The following CYP1A2 variants were observed in gnomAD, a reference collection of about 807,000 sequenced individuals.
CYP1A2 encodes cytochrome P450 family 1 subfamily A member 2.
Under a neutral mutation model 34.7 loss-of-function variants are expected in CYP1A2, and 35 were observed. The observed-to-expected ratio is 1.01, with a 90% CI of 0.77 to 1.34. The LOEUF (loss-of-function observed/expected upper bound fraction) is 1.34. CYP1A2 is among the 40% of genes most tolerant of loss of function. CYP1A2 has a pLI of 0.00. For synonymous variants in CYP1A2, 288 were observed against 281.9 expected (o/e 1.02, Z -0.22); for missense variants, 675 against 675.8 (o/e 1.00, Z 0.01).
In CYP1A2 at chr15:74,755,126, G is replaced by A. The variant is rs1046775819; in HGVS notation, c.*38G>A. The stretch of plus-strand genomic sequence containing the variant: ...CATTCTGAGGCCAGGGAGCGAGTGG[G>A]GGCCAGCCACGGGGACTCAGCCCTT... On this transcript the variant is annotated 3_prime_UTR_variant, in exon 7 of 7. Transcript: ENST00000343932. 6.3e-7 allele frequency: 1 copy of A among 1,581,670 alleles called. No individual in the cohort carries two copies. Among genetic ancestry groups the A allele is most frequent in the Admixed American group, 1.7e-5 (1 of 59,338 alleles).
At chr15:74,751,660 G>A (rs1186262918) in intron 3 of CYP1A2, 105 bp from the exon 4 acceptor site, 3 of 1,166,200 alleles carry the variant, frequency 2.6e-6, no homozygotes, top group African/African-American at 3.1e-5. Context: ...ACAGGCTAGG[G>A]CCAGAGAAAG....
intron 6 of CYP1A2, among the ~76,000 whole-genome samples, chr15:74,754,525 G>A (rs567898925): frequency 6.6e-6 from 1 of 151,648 alleles, no homozygotes; most frequent in Admixed American, 6.6e-5. Flanking sequence ...CTTGAGCTGG[G>A]GAGGCAGAGA....
In CYP1A2 at chr15:74,750,227, G is replaced by T; in HGVS notation, c.489G>T (p.Glu163Asp). 6.2e-7 allele frequency: 1 copy of T among 1,614,208 alleles called. No homozygotes were observed. The highest frequency in any genetic ancestry group is 8.5e-7 in the Non-Finnish European group (1 of 1,180,042). ...CCTCATCCTCCTGCTACCTGGAGGA[G>T]CATGTGAGCAAGGAGGCTAAGGCCC... ...PASSSSCYLE[E>D]HVSKEAKALI... Residue 163 changes from glutamate to aspartate, a missense_variant, in exon 2 of 7, where the codon GAG becomes GAT. Coordinates refer to ENST00000343932, the MANE Select transcript of CYP1A2 (RefSeq NM_000761.5).
At chr15:74,751,147 C>G (rs1478073318) in intron 2 of CYP1A2, 42 bp from the exon 3 acceptor site, 5 of 1,611,062 alleles carry the variant, frequency 3.1e-6, no homozygotes, top group Middle Eastern at 3.3e-4. Context: ...AGCCTTTGAC[C>G]TTGGAAGTGC....
At chr15:74,754,105 T>G (rs948083977) in intron 6 of CYP1A2, among the ~76,000 whole-genome samples, 57 of 152,284 alleles carry the variant, frequency 3.7e-4, no homozygotes, top group African/African-American at 1.1e-3. Flanking sequence ...GGTCTTCCTA[T>G]GTGGTCCAGG....
rs767903090 is a variant in CYP1A2 at position 74,754,818 on chromosome 15, C to T, written c.1281C>T (p.Phe427=). Residue 427 remains phenylalanine (F), a synonymous_variant, in exon 7 of 7, where the codon TTC becomes TTT. Transcript: ENST00000343932. ...AGCTGTGGGAGGACCCCTCTGAGTT[C>T]CGGCCTGAGCGGTTCCTCACCGCCG... ...DPELWEDPSE[F]RPERFLTADG... is the part of the protein sequence containing the mutation. The T allele has an allele frequency of 7.4e-6, 12 of 1,613,746 alleles. No individual in the cohort carries two copies. The South Asian group carries it at 1.3e-4, about 18-fold the overall frequency.
At position 74,755,943 on chromosome 15, in the gene CYP1A2, A is replaced by T. The variant is rs2063336339; in HGVS notation, c.*855A>T. 1 of 151,932 alleles carries T rather than the reference A, an allele frequency of 6.6e-6. No homozygotes were observed. The highest frequency in any genetic ancestry group is 1.5e-5 in the Non-Finnish European group (1 of 68,100). 9.4% of individuals were successfully genotyped at this position (151,932 alleles called of 1,614,324 possible). On this transcript the variant is annotated 3_prime_UTR_variant, in exon 7 of 7. Coordinates refer to ENST00000343932, the MANE Select transcript of CYP1A2 (RefSeq NM_000761.5). ...GCGATTCTCCTGCCTCAGCCTCCCG[A>T]GTAGCTGGGACTATAGGCATGCGCC...
intron 2 of CYP1A2, 95 bp downstream of exon 2, chr15:74,750,664 GC>G: frequency 9.0e-7 from 1 of 1,110,974 alleles, no homozygotes. Context: ...CTGCTGTGTT[GC>G]CAAGGCCTAG....
At chr15:74,751,912 T>C (rs2063317319) in intron 4 of CYP1A2, 58 bp downstream of exon 4, 2 of 1,584,024 alleles carry the variant, frequency 1.3e-6, no homozygotes, top group African/African-American at 2.7e-5. Context: ...AGGTTGTTTG[T>C]TCAGTCTACA....
chr15:74,751,726 T>C, intron 3 of CYP1A2, 39 bp from the exon 4 acceptor site: 1 of 1,581,892 alleles, frequency 6.3e-7, no homozygotes, highest in Non-Finnish European at 8.6e-7. Flanking sequence ...TCCTTGTTTC[T>C]GTCTTCCTTC....
chr15:74,755,032 A>G lies in CYP1A2; in HGVS notation c.1495A>G (p.Met499Val), dbSNP rs772253005. 1 of 1,614,154 alleles carries G rather than the reference A, an allele frequency of 6.2e-7. No homozygotes were observed. The highest frequency in any genetic ancestry group is 2.2e-5 in the East Asian group (1 of 44,892). Residue 499 changes from methionine (M) to valine (V), a missense_variant, in exon 7 of 7, where the codon ATG (methionine) becomes GTG (valine). By Grantham distance (21) the Met-to-Val change is conservative (BLOSUM62 1). Coordinates refer to ENST00000343932, the MANE Select transcript of CYP1A2 (RefSeq NM_000761.5). ...CCTGACCCCCATCTACGGGCTGACCATGAAGCACGCCCGCTGTGAACATGT... is the reference window on the plus strand; with the variant it reads ...CCTGACCCCCATCTACGGGCTGACCGTGAAGCACGCCCGCTGTGAACATGT... ...VDLTPIYGLT[M>V]KHARCEHVQA... is the part of the protein sequence containing the mutation.
At chr15:74,754,413 A>G (rs551076615) in intron 6 of CYP1A2, among the ~76,000 whole-genome samples, 1 of 147,474 alleles carries the variant, frequency 6.8e-6, no homozygotes, top group South Asian at 2.2e-4. Context: ...GAGACCAGTG[A>G]AACCCCGTCT....
In CYP1A2 at chr15:74,755,448, C is replaced by CTTTT. The variant is rs33923017; in HGVS notation, c.*370_*373dup. On this transcript the variant is annotated 3_prime_UTR_variant, in exon 7 of 7. Transcript: ENST00000343932. ...ATTCTTATGCCATATAATTCACCTT[C>CTTTT]TTTTTTTTTTTTTGTCTGAGACAGA... The CTTTT allele has an allele frequency of 7.7e-5, 11 of 142,358 alleles. No individual in the cohort carries two copies. The highest frequency in any genetic ancestry group is 2.0e-4 in the South Asian group (1 of 4,982). The allele number at this position is 142,358 out of a possible 1,614,324, so 8.8% of individuals were successfully genotyped here.
At chr15:74,754,180 G>A (rs968401546) in intron 6 of CYP1A2, among the ~76,000 whole-genome samples, 10 of 152,088 alleles carry the variant, frequency 6.6e-5, no homozygotes, top group East Asian at 5.8e-4. Context: ...CTAGGGTTAC[G>A]GGTGTAAGCC....
rs540573521 is a variant in CYP1A2 at position 74,754,179 on chromosome 15, C to T, written c.1254-612C>T. On this transcript the variant is annotated intron_variant, in intron 6 of 6. Coordinates refer to ENST00000343932, the MANE Select transcript of CYP1A2 (RefSeq NM_000761.5). ...TCAGCCTCCCAAAGTGCTAGGGTTA[C>T]GGGTGTAAGCCACCAAACCCAGCCT... 6.7e-4 allele frequency among the ~76,000 whole-genome samples: 102 copies of T among 152,136 alleles called. 1 individual carries two copies. The East Asian group carries it at 6.9e-3, about 10-fold the overall frequency.
At chr15:74,752,892 T>TTTTTC (rs1344709713) in intron 5 of CYP1A2, among the ~76,000 whole-genome samples, 5 of 151,026 alleles carry the variant, frequency 3.3e-5, no homozygotes, top group Non-Finnish European at 7.4e-5. Flanking sequence ...TTTTTTTTTT[T>TTTTTC]TTCATAGAAA....
rs756244484 is a variant in CYP1A2 at position 74,750,250 on chromosome 15, C to A, written c.512C>A (p.Ala171Asp). 3.1e-6 allele frequency: 5 copies of A among 1,614,236 alleles called. No individual in the cohort carries two copies. In the Admixed American group the frequency reaches 8.3e-5, roughly 27 times the overall value. The change falls in exon 2 of 7, where the codon GCC becomes GAC. Residue 171 changes from alanine (A) to aspartate (D), a missense_variant. By Grantham distance (126) the Ala-to-Asp change is moderately radical (BLOSUM62 -2). Coordinates refer to ENST00000343932, the MANE Select transcript of CYP1A2 (RefSeq NM_000761.5). ...LEEHVSKEAKALISRLQELMA... is the reference protein window; with the variant it reads ...LEEHVSKEAKDLISRLQELMA... ...GAGCATGTGAGCAAGGAGGCTAAGG[C>A]CCTGATCAGCAGGTTGCAGGAGCTG...
chr15:74,751,866 C>A lies in CYP1A2; in HGVS notation c.1042+12C>A. 6.2e-7 allele frequency: 1 copy of A among 1,611,940 alleles called. No homozygotes were observed. Among genetic ancestry groups the A allele is most frequent in the Non-Finnish European group, 8.5e-7 (1 of 1,179,136 alleles). On this transcript the variant is annotated intron_variant, in intron 4 of 6. Coordinates refer to ENST00000343932, the MANE Select transcript of CYP1A2 (RefSeq NM_000761.5). The stretch of plus-strand genomic sequence containing the variant: ...CCAGAAGGAGCTGGGTACATGGGGG[C>A]CCCCAACCCTATAGCCAGGAGAAGC...
At chr15:74,753,583 A>G (rs1397861911) in intron 6 of CYP1A2, among the ~76,000 whole-genome samples, 1 of 151,962 alleles carries the variant, frequency 6.6e-6, no homozygotes, top group African/African-American at 2.4e-5. Context: ...ATACAAAACA[A>G]AAATTAGCCG....
Sources: gnomAD v4.1 joint callset for allele counts (sites outside exome capture counted in the v4.1 genomes callset) on GRCh38, gnomAD v4.1.1 for gene constraint, MANE v1.5 for transcripts, NCBI Gene and HGNC (gene_info 2026-07-23, HGNC 2026-07-21) for gene names.